Variants in KCTD8 observed in about 807,000 individuals in gnomAD.
KCTD8 encodes the protein BTB/POZ domain-containing protein KCTD8.
KCTD8 carries 27 observed loss-of-function variants against 31.5 expected under a neutral mutation model. The observed-to-expected ratio is 0.86, with a 90% CI of 0.63 to 1.18. The LOEUF (loss-of-function observed/expected upper bound fraction) is 1.18. Ranked by LOEUF, KCTD8 falls within the 50% of genes most tolerant of loss-of-function variation. The pLI is 0.00. For synonymous variants in KCTD8, 290 were observed against 280.0 expected (o/e 1.04, Z -0.36); for missense variants, 658 against 647.7 (o/e 1.02, Z -0.17).
At chr4:44,285,909 T>G (rs1360822293) in intron 1 of KCTD8, among the ~76,000 whole-genome samples, 1 of 152,086 alleles carries the variant, frequency 6.6e-6, no homozygotes, top group East Asian at 1.9e-4. Flanking sequence ...TATTTGTTAT[T>G]CATGGGAGAA....
intron 1 of KCTD8, among the ~76,000 whole-genome samples, chr4:44,222,066 T>C (rs1714824076): frequency 6.6e-6 from 1 of 152,212 alleles, no homozygotes; most frequent in African/African-American, 2.4e-5. Flanking sequence ...ACTGGATCTA[T>C]TTAAGATGAG....
At chr4:44,421,274 A>C (rs1016052905) in intron 1 of KCTD8, among the ~76,000 whole-genome samples, 1 of 152,136 alleles carries the variant, frequency 6.6e-6, no homozygotes, top group Non-Finnish European at 1.5e-5. Context: ...TGAAAATTTT[A>C]TCATTTTCTT....
intron 1 of KCTD8, among the ~76,000 whole-genome samples, chr4:44,368,474 C>T (rs1428600554): frequency 6.6e-6 from 1 of 152,148 alleles, no homozygotes; most frequent in Non-Finnish European, 1.5e-5. Flanking sequence ...ACCACTGAAA[C>T]TCAATGACAC....
chr4:44,414,576 C>T (rs1245342154), intron 1 of KCTD8, among the ~76,000 whole-genome samples: 1 of 152,208 alleles, frequency 6.6e-6, no homozygotes, highest in Non-Finnish European at 1.5e-5. Flanking sequence ...CTGAGAATTA[C>T]TGTCATGGCC....
chr4:44,435,616 T>C (rs1240304003), intron 1 of KCTD8, among the ~76,000 whole-genome samples: 1 of 152,054 alleles, frequency 6.6e-6, no homozygotes, highest in African/African-American at 2.4e-5. Flanking sequence ...CGTAAAGAAA[T>C]GCCATAAGGG....
At chr4:44,348,681 C>T (rs1719102916) in intron 1 of KCTD8, among the ~76,000 whole-genome samples, 1 of 152,164 alleles carries the variant, frequency 6.6e-6, no homozygotes, top group Admixed American at 6.5e-5. Context: ...AAAGTCTACA[C>T]ACATGATTCC....
At chr4:44,194,376 A>G (rs1265505339) in intron 1 of KCTD8, among the ~76,000 whole-genome samples, 1 of 152,220 alleles carries the variant, frequency 6.6e-6, no homozygotes. Context: ...AATGCTACTA[A>G]TGAAACCATT....
At chr4:44,199,763 C>A (rs1472002665) in intron 1 of KCTD8, among the ~76,000 whole-genome samples, 1 of 151,722 alleles carries the variant, frequency 6.6e-6, no homozygotes, top group Non-Finnish European at 1.5e-5. Context: ...AAAGAACAAA[C>A]CAACTGTAAA....
Position 44,235,525 on chromosome 4 carries a change from TTATATATATATATATATATATATA to T in KCTD8, c.962-60299_962-60276del, listed in dbSNP as rs752341720. 4.5e-4 allele frequency among the ~76,000 whole-genome samples: 25 copies of T among 55,082 alleles called. 1 individual carries two copies. The highest frequency in any genetic ancestry group is 3.1e-3 in the East Asian group (5 of 1,628). 36.1% of individuals were successfully genotyped at this position (55,082 alleles called of 152,430 possible). On this transcript the variant is annotated intron_variant, in intron 1 of 1. Transcript: ENST00000360029. ...TGTATACAGAAAGAGAGACACTGGA[TTATATATATATATATATATATATA>T]TATATATATATATATATATATATAT...
chr4:44,315,220 T>C (rs563523720), intron 1 of KCTD8, among the ~76,000 whole-genome samples: 1 of 152,168 alleles, frequency 6.6e-6, no homozygotes, highest in Non-Finnish European at 1.5e-5. Flanking sequence ...CTTAATATTA[T>C]CTATTTTACC....
intron 1 of KCTD8, among the ~76,000 whole-genome samples, chr4:44,304,711 A>G (rs145246320): frequency 6.6e-6 from 1 of 152,188 alleles, no homozygotes. Flanking sequence ...ATGGATCTCT[A>G]TATTTAAGAA....
chr4:44,316,795 GAAAAA>G (rs71188270), intron 1 of KCTD8, among the ~76,000 whole-genome samples: 9 of 40,356 alleles, frequency 2.2e-4, no homozygotes, highest in African/African-American at 5.8e-4. Context: ...CTAAAAATAC[GAAAAA>G]AAAAAAAAAA....
At chr4:44,269,450 T>C (rs972890096) in intron 1 of KCTD8, among the ~76,000 whole-genome samples, 3 of 151,274 alleles carry the variant, frequency 2.0e-5, no homozygotes, top group South Asian at 2.1e-4. Context: ...GAAGAAAACC[T>C]AGGCATTACC....
At chr4:44,413,904 A>T (rs1277635701) in intron 1 of KCTD8, among the ~76,000 whole-genome samples, 1 of 152,134 alleles carries the variant, frequency 6.6e-6, no homozygotes, top group South Asian at 2.1e-4. Flanking sequence ...AGAAAGAAAG[A>T]GATTGATTTG....
intron 1 of KCTD8, among the ~76,000 whole-genome samples, chr4:44,341,204 T>A (rs1192914470): frequency 1.3e-5 from 2 of 152,186 alleles, no homozygotes; most frequent in Non-Finnish European, 2.9e-5. Context: ...TAAAAATATT[T>A]TACTGCTAAA....
chr4:44,272,142 A>ATATATATATATATATATAT (rs1560412318), intron 1 of KCTD8, among the ~76,000 whole-genome samples: 6 of 135,744 alleles, frequency 4.4e-5, no homozygotes, highest in African/African-American at 2.1e-4. Flanking sequence ...TATATATATA[A>ATATATATATATATATATAT]ATGCTGAACC....
At position 44,365,494 on chromosome 4, in the gene KCTD8, TGAATA is replaced by T. The variant is rs1719607677; in HGVS notation, c.961+82064_961+82068del. ...GATGAATTCACAAAAATGAATGCAT[TGAATA>T]GAATACGGAAATGTTGAGAACAATG... On this transcript the variant is annotated intron_variant, in intron 1 of 1. Coordinates refer to ENST00000360029, the MANE Select transcript of KCTD8 (RefSeq NM_198353.3). Among the ~76,000 whole-genome samples the T allele has an allele frequency of 2.0e-5, 3 of 152,244 alleles. No individual in the cohort carries two copies. In the East Asian group the frequency reaches 5.8e-4, roughly 29 times the overall value.
At chr4:44,245,532 A>T (rs1186815589) in intron 1 of KCTD8, among the ~76,000 whole-genome samples, 3 of 151,442 alleles carry the variant, frequency 2.0e-5, no homozygotes, top group African/African-American at 7.3e-5. Context: ...TGGTGTATAA[A>T]TTTTTTCTTT....
At chr4:44,211,720 T>C (rs547741110) in intron 1 of KCTD8, among the ~76,000 whole-genome samples, 17 of 152,256 alleles carry the variant, frequency 1.1e-4, no homozygotes, top group African/African-American at 4.1e-4. Flanking sequence ...TAAAGCCATT[T>C]TTTTTTAGAT....
Sources: gnomAD v4.1 joint callset for allele counts (sites outside exome capture counted in the v4.1 genomes callset) on GRCh38, gnomAD v4.1.1 for gene constraint, MANE v1.5 for transcripts, NCBI Gene and HGNC (gene_info 2026-07-23, HGNC 2026-07-21) for gene names.